Variants in ROBO1 observed in about 807,000 individuals in gnomAD.
ROBO1 encodes roundabout homolog 1.
A neutral mutation model predicts 195.9 loss-of-function variants in ROBO1; 149 were observed. The observed-to-expected ratio is 0.76, with a 90% confidence interval of 0.67 to 0.87. The LOEUF (loss-of-function observed/expected upper bound fraction) is 0.87. Ranked by LOEUF, ROBO1 falls within the 40% of genes least tolerant of loss-of-function variation. The pLI is 0.00. For synonymous variants in ROBO1, 816 were observed against 733.2 expected, an observed-to-expected ratio of 1.11 and a Z score of -1.82; for missense variants, 1,933 against 2,068.3, an observed-to-expected ratio of 0.93 and a Z score of 1.27.
At position 78,627,553 on chromosome 3, in the gene ROBO1, G is replaced by A. The variant is rs770906589; in HGVS notation, c.3643C>T (p.Pro1215Ser). 11 of 1,611,928 alleles carry A rather than the reference G, an allele frequency of 6.8e-6. No individual in the cohort carries two copies. In the African/African-American group the frequency reaches 1.1e-4, roughly 16 times the overall value. ...SVDESYDQEM[P>S]CPVPPARMYL... ...ATCCTTGCTGGTGGCACGGGACATG[G>A]CATTTCTTGGTCATAGCTAAAATAA... The change falls in exon 26 of 31, where the codon CCA becomes TCA. Residue 1215 changes from proline (P) to serine (S), a missense_variant. Pro to Ser is a moderately conservative substitution (Grantham distance 74). Transcript: ENST00000464233.
chr3:79,738,520 G>A (rs958674462), intron 1 of ROBO1, among the ~76,000 whole-genome samples: 7 of 151,638 alleles, frequency 4.6e-5, no homozygotes, highest in African/African-American at 9.8e-5. Flanking sequence ...GTCTGTAGGT[G>A]CATTGACACT....
intron 4 of ROBO1, among the ~76,000 whole-genome samples, chr3:78,855,673 T>G (rs2034369409): frequency 6.6e-6 from 1 of 152,198 alleles, no homozygotes; most frequent in South Asian, 2.1e-4. Flanking sequence ...TGTATCCTGT[T>G]ACAGCTGATA....
intron 1 of ROBO1, among the ~76,000 whole-genome samples, chr3:79,711,962 G>T (rs1016007512): frequency 1.3e-5 from 2 of 150,772 alleles, no homozygotes; most frequent in East Asian, 3.9e-4. Context: ...TGCCCGTATA[G>T]GACAGGAAGC....
At chr3:79,753,046 TG>T (rs1704206386) in intron 1 of ROBO1, among the ~76,000 whole-genome samples, 1 of 151,990 alleles carries the variant, frequency 6.6e-6, no homozygotes, top group African/African-American at 2.4e-5. Flanking sequence ...GGCAGACAAA[TG>T]AAGAGGCATA....
intron 4 of ROBO1, among the ~76,000 whole-genome samples, chr3:78,821,964 A>G (rs1202950403): frequency 6.6e-6 from 1 of 152,110 alleles, no homozygotes; most frequent in African/African-American, 2.4e-5. Flanking sequence ...TTATCATTGT[A>G]GACAACGGGC....
chr3:79,027,855 CT>C (rs2078228474), intron 3 of ROBO1, among the ~76,000 whole-genome samples: 1 of 151,936 alleles, frequency 6.6e-6, no homozygotes, highest in Non-Finnish European at 1.5e-5. Context: ...TTGTATATAT[CT>C]TATTTCAGTT....
chr3:79,191,600 C>T (rs1559724768), intron 2 of ROBO1, among the ~76,000 whole-genome samples: 1 of 151,014 alleles, frequency 6.6e-6, no homozygotes. Context: ...TATGAGTGAG[C>T]TTTAAACATA....
intron 8 of ROBO1, among the ~76,000 whole-genome samples, chr3:78,703,806 C>T (rs1468236513): frequency 1.6e-5 from 2 of 121,418 alleles, no homozygotes; most frequent in African/African-American, 3.4e-5. Flanking sequence ...ATATTTACCA[C>T]CATTTTACAC....
intron 2 of ROBO1, among the ~76,000 whole-genome samples, chr3:79,467,971 A>G (rs998588220): frequency 1.3e-5 from 2 of 152,154 alleles, no homozygotes; most frequent in Non-Finnish European, 2.9e-5. Flanking sequence ...GAACTCTCCC[A>G]TCTCACCAGC....
chr3:79,208,687 A>ATATG (rs2081915506), intron 2 of ROBO1, among the ~76,000 whole-genome samples: 3 of 145,214 alleles, frequency 2.1e-5, no homozygotes, highest in African/African-American at 7.6e-5. Flanking sequence ...GTGGTGGGGC[A>ATATG]TGTGTGTGTG....
At chr3:79,619,488 C>T (rs1252985543) in intron 1 of ROBO1, among the ~76,000 whole-genome samples, 2 of 152,144 alleles carry the variant, frequency 1.3e-5, no homozygotes, top group Admixed American at 1.3e-4. Context: ...GAAAATGGCA[C>T]TTTACATTTC....
At chr3:79,353,942 G>A (rs538891052) in intron 2 of ROBO1, among the ~76,000 whole-genome samples, 7 of 152,028 alleles carry the variant, frequency 4.6e-5, no homozygotes, top group Non-Finnish European at 8.8e-5. Flanking sequence ...CTACTCAGGA[G>A]GCTGAGGCAG....
At chr3:79,742,438 C>A (rs142577006) in intron 1 of ROBO1, among the ~76,000 whole-genome samples, 165 of 152,248 alleles carry the variant, frequency 1.1e-3, no homozygotes, top group Non-Finnish European at 2.0e-3. Flanking sequence ...TGCAAGCTAG[C>A]AGCCACCAAG....
chr3:79,291,494 A>C (rs1182542091), intron 2 of ROBO1, among the ~76,000 whole-genome samples: 3 of 152,118 alleles, frequency 2.0e-5, no homozygotes, highest in East Asian at 3.9e-4. Context: ...TTGCTCTCCC[A>C]AAAATTTGGA....
At chr3:78,921,003 C>T (rs1361687317) in intron 4 of ROBO1, among the ~76,000 whole-genome samples, 1 of 151,976 alleles carries the variant, frequency 6.6e-6, no homozygotes, top group Non-Finnish European at 1.5e-5. Flanking sequence ...TTTAAACTAC[C>T]TGAGCCTCGG....
intron 11 of ROBO1, among the ~76,000 whole-genome samples, chr3:78,669,867 TCTC>T (rs1268752002): frequency 1.3e-5 from 2 of 152,162 alleles, no homozygotes; most frequent in Non-Finnish European, 2.9e-5. Flanking sequence ...AATCCTTTCT[TCTC>T]CTCCATACAA....
chr3:79,035,958 T>C (rs1252068379), intron 3 of ROBO1, among the ~76,000 whole-genome samples: 3 of 152,144 alleles, frequency 2.0e-5, no homozygotes, highest in African/African-American at 7.2e-5. Context: ...TTATAATTAA[T>C]ATTTTAAAAA....
Position 78,636,074 on chromosome 3 carries a change from A to T in ROBO1, c.3072T>A (p.Asp1024Glu). The stretch of plus-strand genomic sequence containing the variant: ...GGAGCATCAGATTTGTTTGTTTGTT[A>T]TCCAGTTGGTTGTTATAATTTGCTA... Reference protein sequence around the residue: ...DCIANYNNQLDNKQTNLMLPE... With the variant: ...DCIANYNNQLENKQTNLMLPE... Residue 1024 changes from aspartate (D) to glutamate (E), a missense_variant, in exon 23 of 31, where the codon GAT becomes GAA. By Grantham distance (45) the Asp-to-Glu change is conservative. Transcript: ENST00000464233. The T allele has an allele frequency of 6.2e-7, 1 of 1,613,142 alleles. No homozygotes were observed. Among genetic ancestry groups the T allele is most frequent in the African/African-American group, 1.3e-5 (1 of 75,014 alleles).
intron 3 of ROBO1, chr3:79,018,789 C>T (rs1203923443): frequency 1.9e-6 from 2 of 1,069,742 alleles, no homozygotes; most frequent in Non-Finnish European, 2.3e-6. Flanking sequence ...CCTCCACGGT[C>T]TTGCGGAGCC....
Sources: allele counts gnomAD v4.1 joint callset (sites outside exome capture counted in the v4.1 genomes callset), GRCh38; gene constraint gnomAD v4.1.1; transcripts MANE v1.5; gene names NCBI Gene and HGNC (gene_info 2026-07-23, HGNC 2026-07-21).